Variants in ATXN3 observed in about 807,000 individuals in gnomAD.
The protein encoded by ATXN3 is ataxin-3.
ATXN3 carries 28 observed loss-of-function variants against 58.2 expected under a neutral mutation model. That is an observed-to-expected ratio of 0.48 (90% CI 0.36 to 0.66). The LOEUF (loss-of-function observed/expected upper bound fraction) is 0.66, where lower values mean the gene tolerates loss of function less well. ATXN3 is among the 30% of genes least tolerant of loss of function. The pLI is 0.00. For synonymous variants in ATXN3, 113 were observed against 138.5 expected (o/e 0.82, Z 1.29); for missense variants, 321 against 422.1 (o/e 0.76, Z 2.10).
chr14:92,085,658 A>C (rs1483075730), intron 6 of ATXN3, among the ~76,000 whole-genome samples: 1 of 152,190 alleles, frequency 6.6e-6, no homozygotes, highest in Non-Finnish European at 1.5e-5. Flanking sequence ...GGAAAACCTG[A>C]TGGATAGCAT....
intron 9 of ATXN3, among the ~76,000 whole-genome samples, chr14:92,074,747 T>TTG (rs1211271730): frequency 1.1e-4 from 16 of 152,322 alleles, no homozygotes; most frequent in African/African-American, 2.9e-4. Context: ...TTTGATAAAT[T>TTG]ATACCATATC....
chr14:92,045,977 G>A (rs1595424476), intron 2 of ATXN3, among the ~76,000 whole-genome samples: 1 of 152,278 alleles, frequency 6.6e-6, no homozygotes, highest in African/African-American at 2.4e-5. Context: ...CCCTTGCAGT[G>A]AATGACTCCA....
intron 1 of ATXN3, among the ~76,000 whole-genome samples, chr14:92,099,568 C>T (rs1361723715): frequency 6.6e-6 from 1 of 152,172 alleles, no homozygotes; most frequent in African/African-American, 2.4e-5. Context: ...CTACTTATAT[C>T]CTTTTGAAAA....
Position 92,058,873 on chromosome 14 carries a change from A to G in ATXN3, c.*5447T>C, listed in dbSNP as rs1452233048. ...TATTTATACAGAACAGTAATTTTTA[A>G]AAAGTTATTCCTAATAGCCCAGTGT... On this transcript the variant is annotated 3_prime_UTR_variant, in exon 11 of 11. Coordinates refer to ENST00000644486, the MANE Select transcript of ATXN3 (RefSeq NM_004993.6). The G allele has an allele frequency of 6.6e-6, 1 of 152,196 alleles. No homozygotes were observed. The highest frequency in any genetic ancestry group is 1.5e-5 in the Non-Finnish European group (1 of 68,042). The allele number at this position is 152,196 out of a possible 1,614,324, so 9.4% of individuals were successfully genotyped here.
In ATXN3 at chr14:92,060,575, T is replaced by A. The variant is rs2057707789; in HGVS notation, c.*3745A>T. The A allele has an allele frequency of 6.6e-6, 1 of 151,974 alleles. No individual in the cohort carries two copies. The highest frequency in any genetic ancestry group is 1.5e-5 in the Non-Finnish European group (1 of 68,004). The allele number at this position is 151,974 out of a possible 1,614,324, so 9.4% of individuals were successfully genotyped here. A position where few individuals can be genotyped will look rare whatever the true frequency, so the allele number is the denominator to read the frequency against. ...CACCCAGCCGGGAGATCATCAATAT[T>A]AACTATTGAATCCTCGTAAGAATTT... On this transcript the variant is annotated 3_prime_UTR_variant, in exon 11 of 11. Transcript: ENST00000644486.
Position 92,081,055 on chromosome 14 carries a change from G to C in ATXN3, c.782C>G (p.Ser261Cys). Residue 261 changes from serine to cysteine, a missense_variant, in exon 9 of 11, where the codon TCC (serine) becomes TGC (cysteine). Coordinates refer to ENST00000644486, the MANE Select transcript of ATXN3 (RefSeq NM_004993.6). ...TGTCATATCTTGAGATATGTTTCTG[G>C]AACTACCTGAAAACAAAACACAACA... ...RAIQLSMQGS[S>C]RNISQDMTQT... 6.2e-7 allele frequency: 1 copy of C among 1,600,196 alleles called. No individual in the cohort carries two copies. Among genetic ancestry groups the C allele is most frequent in the South Asian group, 1.1e-5 (1 of 90,692 alleles).
chr14:92,072,635 C>A (rs2059625821), intron 9 of ATXN3, among the ~76,000 whole-genome samples: 2 of 123,410 alleles, frequency 1.6e-5, no homozygotes, highest in Non-Finnish European at 3.3e-5. Context: ...AATACAAACA[C>A]AGAAAACCAA....
chr14:92,078,536 T>C (rs2060855441), intron 9 of ATXN3, among the ~76,000 whole-genome samples: 1 of 151,826 alleles, frequency 6.6e-6, no homozygotes, highest in Non-Finnish European at 1.5e-5. Context: ...TAATTTTTTG[T>C]ATTTTTAGTA....
downstream of ATXN3, among the ~76,000 whole-genome samples, chr14:92,057,436 AG>A (rs2057482905): frequency 1.3e-5 from 1 of 75,470 alleles, no homozygotes; most frequent in African/African-American, 6.3e-5. Context: ...AAGCGGGGGG[AG>A]GGGGCGCGGG....
At chr14:92,079,342 A>G in intron 9 of ATXN3, 2 of 636,790 alleles carry the variant, frequency 3.1e-6, no homozygotes, top group Non-Finnish European at 3.9e-6. Context: ...AAAAGCACTA[A>G]TAAGCACTAC....
Position 92,106,439 on chromosome 14 carries a change from G to A in ATXN3, c.24+90C>T, listed in dbSNP as rs528829474. ...CGAGATCGGCATGGGGGCGACTCGGGCCCCACCCAGCCCTCCGAGAGGCGG... is the reference window on the plus strand; with the variant it reads ...CGAGATCGGCATGGGGGCGACTCGGACCCCACCCAGCCCTCCGAGAGGCGG... On this transcript the variant is annotated intron_variant, in intron 1 of 10. Transcript: ENST00000644486. 2.4e-5 allele frequency: 38 copies of A among 1,554,530 alleles called. No individual in the cohort carries two copies. The South Asian group carries it at 3.1e-4, about 13-fold the overall frequency.
intron 1 of ATXN3, among the ~76,000 whole-genome samples, chr14:92,103,791 G>A (rs2067432210): frequency 6.6e-6 from 1 of 152,196 alleles, no homozygotes; most frequent in African/African-American, 2.4e-5. Flanking sequence ...AGAGGAAATG[G>A]TTGCAAGGCC....
chr14:92,047,026 A>G (rs1439746166), intron 2 of ATXN3, among the ~76,000 whole-genome samples: 1 of 152,188 alleles, frequency 6.6e-6, no homozygotes, highest in Non-Finnish European at 1.5e-5. Context: ...GATGGAAAGA[A>G]AGTATATCAT....
intron 8 of ATXN3, 67 bp downstream of exon 8, chr14:92,082,233 T>C (rs969716566): frequency 9.3e-6 from 14 of 1,510,062 alleles, no homozygotes; most frequent in Non-Finnish European, 1.2e-5. Flanking sequence ...TTAACTTCCA[T>C]GAAATCTAAG....
intron 9 of ATXN3, among the ~76,000 whole-genome samples, chr14:92,075,392 C>A (rs2060192687): frequency 6.6e-6 from 1 of 152,096 alleles, no homozygotes; most frequent in Non-Finnish European, 1.5e-5. Context: ...GTCTCGAACT[C>A]CTGACCTCAG....
intron 9 of ATXN3, among the ~76,000 whole-genome samples, chr14:92,078,344 T>G (rs1566939093): frequency 7.0e-6 from 1 of 142,856 alleles, no homozygotes; most frequent in African/African-American, 2.6e-5. Flanking sequence ...TAAGTAGATT[T>G]AAGTTATTTT....
Position 92,093,297 on chromosome 14 carries a change from G to C in ATXN3, c.342C>G (p.Cys114Trp), listed in dbSNP as rs1396554919. 6.9e-7 allele frequency: 1 copy of C among 1,441,902 alleles called. No individual in the cohort carries two copies. The highest frequency in any genetic ancestry group is 9.6e-7 in the Non-Finnish European group (1 of 1,037,284). 89.3% of individuals were successfully genotyped at this position (1,441,902 alleles called of 1,614,324 possible). A position where few individuals can be genotyped will look rare whatever the true frequency, so the allele number is the denominator to read the frequency against. ...IDPINERSFI[C>W]NYKEHWFTVR... The stretch of plus-strand genomic sequence containing the variant: ...CTGTAAACCAGTGTTCCTTATAATT[G>C]CATATAAATGATCTTTCATTTCTAA... The change falls in exon 5 of 11, where the codon TGC becomes TGG. Residue 114 changes from cysteine to tryptophan, a missense_variant. Around this residue, in one of 2 missense-constraint regions of ATXN3, gnomAD observed 121 missense variants for 198.9 expected, o/e 0.61. Transcript: ENST00000644486.
chr14:92,068,038 G>C (rs773031143), intron 10 of ATXN3, among the ~76,000 whole-genome samples: 2 of 152,124 alleles, frequency 1.3e-5, no homozygotes, highest in Non-Finnish European at 2.9e-5. Context: ...TGTTACTGCT[G>C]GGTGTCAGCA....
chr14:92,101,220 G>A (rs1430815667), intron 1 of ATXN3, among the ~76,000 whole-genome samples: 1 of 152,112 alleles, frequency 6.6e-6, no homozygotes, highest in Admixed American at 6.6e-5. Context: ...AATCTCAACT[G>A]TTTGAGGGGC....
Sources: gnomAD v4.1 joint callset for allele counts (sites outside exome capture counted in the v4.1 genomes callset) on GRCh38, gnomAD v4.1.1 for gene constraint, gnomAD v4.1.1 regional missense constraint, MANE v1.5 for transcripts, NCBI Gene and HGNC (gene_info 2026-07-23, HGNC 2026-07-21) for gene names.